Variants in ADGRE5 observed in about 807,000 individuals in gnomAD.
The protein encoded by ADGRE5 is CD97 molecule.
ADGRE5 carries 72 observed loss-of-function variants against 100.3 expected under a neutral mutation model. That is an observed-to-expected ratio of 0.72 (90% CI 0.59 to 0.87). The LOEUF (loss-of-function observed/expected upper bound fraction) is 0.87. ADGRE5 is among the 40% of genes least tolerant of loss of function. The probability of loss-of-function intolerance (pLI) is 0.00; values close to 1 mark genes in which losing one functional copy is unlikely to be tolerated. For synonymous variants in ADGRE5, 439 were observed against 447.8 expected (o/e 0.98, Z 0.25); for missense variants, 959 against 1,094.7 (o/e 0.88, Z 1.75).
At chr19:14,398,969 G>A (rs1013479121) in intron 9 of ADGRE5, among the ~76,000 whole-genome samples, 3 of 151,614 alleles carry the variant, frequency 2.0e-5, no homozygotes, top group Non-Finnish European at 4.4e-5. Context: ...AGCCTCCCAA[G>A]TAGCTGGGAC....
chr19:14,402,016 A>C (rs12974314), intron 11 of ADGRE5, among the ~76,000 whole-genome samples: 15,047 of 152,088 alleles, frequency 0.099, 917 homozygotes, highest in Middle Eastern at 0.15. Context: ...CTGTAGTCCC[A>C]GTTACTCAGG....
chr19:14,385,628 C>G lies in ADGRE5; in HGVS notation c.23-2822C>G, dbSNP rs568209413. On this transcript the variant is annotated intron_variant, in intron 1 of 19. Transcript: ENST00000242786. ...AGCGTCTTCCTGTGGGAGGGGGGCCCGGGGGTGAAATATCACCACTGGGTT... is the reference window on the plus strand; with the variant it reads ...AGCGTCTTCCTGTGGGAGGGGGGCCGGGGGGTGAAATATCACCACTGGGTT... Among the ~76,000 whole-genome samples, 3 of 152,160 alleles carry G rather than the reference C, an allele frequency of 2.0e-5. No homozygotes were observed. The East Asian group carries it at 5.8e-4, about 29-fold the overall frequency.
At chr19:14,403,138 G>T (rs1395537632) in intron 12 of ADGRE5, among the ~76,000 whole-genome samples, 1 of 151,072 alleles carries the variant, frequency 6.6e-6, no homozygotes, top group Non-Finnish European at 1.5e-5. Context: ...TGCCTCCCAG[G>T]TTCAAGTGAT....
At chr19:14,402,130 T>TAA (rs56208328) in intron 11 of ADGRE5, among the ~76,000 whole-genome samples, 4 of 122,466 alleles carry the variant, frequency 3.3e-5, no homozygotes, top group African/African-American at 6.2e-5. Context: ...GACCCTGTCT[T>TAA]AAAAAAAAAA....
Position 14,401,862 on chromosome 19 carries a change from G to T in ADGRE5, c.1183+102G>T. 1.4e-6 allele frequency: 1 copy of T among 733,956 alleles called. No individual in the cohort carries two copies. 45.5% of individuals were successfully genotyped at this position (733,956 alleles called of 1,614,324 possible). A position where few individuals can be genotyped will look rare whatever the true frequency, so the allele number is the denominator to read the frequency against. ...AATAGAACAACTGACTGGGCGCGGT[G>T]GCTCACGCCTGCAATCCCAGCATTT... On this transcript the variant is annotated intron_variant, in intron 11 of 19. Transcript: ENST00000242786. The surrounding 1 kb of genome is among the most constrained non-coding windows in gnomAD (Gnocchi z 4.1).
chr19:14,389,998 C>T (rs1463687452), intron 3 of ADGRE5, among the ~76,000 whole-genome samples: 1 of 151,840 alleles, frequency 6.6e-6, no homozygotes, highest in Non-Finnish European at 1.5e-5. Flanking sequence ...ATCGCTTGAA[C>T]CCGGGAGGCG....
rs1365369165 is a variant in ADGRE5 at position 14,397,221 on chromosome 19, A to G, written c.623A>G (p.Glu208Gly). ...SPNGPNNTVC[E>G]DVDECSSGQH... ...AATGGCCCAAACAATACCGTCTGTG[A>G]AGGTCGAGAGCTCAGATCCCACGTT... Residue 208 changes from glutamate to glycine, a missense_variant and splice_region_variant, in exon 6 of 20, where the codon GAA becomes GGA. Coordinates refer to ENST00000242786, the MANE Select transcript of ADGRE5 (RefSeq NM_078481.4). 6.2e-7 allele frequency: 1 copy of G among 1,614,066 alleles called. No homozygotes were observed. The highest frequency in any genetic ancestry group is 8.5e-7 in the Non-Finnish European group (1 of 1,179,990).
chr19:14,403,633 C>T (rs935744793), intron 12 of ADGRE5, among the ~76,000 whole-genome samples: 3 of 151,994 alleles, frequency 2.0e-5, no homozygotes, highest in Admixed American at 6.6e-5. Flanking sequence ...GGACTATAAG[C>T]GTGCACTACT....
At chr19:14,397,018 G>C in intron 5 of ADGRE5, 59 bp from the exon 6 acceptor site, 2 of 1,511,264 alleles carry the variant, frequency 1.3e-6, no homozygotes, top group Non-Finnish European at 1.8e-6. Flanking sequence ...GGTGCAGTGA[G>C]TGGAGGGCAG....
At position 14,406,778 on chromosome 19, in the gene ADGRE5, C is replaced by T; in HGVS notation, c.2115+12C>T. 6.2e-7 allele frequency: 1 copy of T among 1,613,892 alleles called. No individual in the cohort carries two copies. Among genetic ancestry groups the T allele is most frequent in the Non-Finnish European group, 8.5e-7 (1 of 1,179,756 alleles). ...CCTTCATCATTTTGGTAAGTACCCACTCTCCCTCCACCGAAGCCCGAGCGC... is the reference window on the plus strand; with the variant it reads ...CCTTCATCATTTTGGTAAGTACCCATTCTCCCTCCACCGAAGCCCGAGCGC... On this transcript the variant is annotated intron_variant, in intron 16 of 19. Coordinates refer to ENST00000242786, the MANE Select transcript of ADGRE5 (RefSeq NM_078481.4). This position sits in a 1 kb window ranked among gnomAD's most constrained non-coding sequence, Gnocchi z 6.0.
intron 1 of ADGRE5, among the ~76,000 whole-genome samples, chr19:14,385,010 C>CTTTTTTT (rs56960989): frequency 1.0e-4 from 7 of 68,682 alleles, no homozygotes; most frequent in Admixed American, 1.8e-4. Context: ...GACTCTTGCT[C>CTTTTTTT]TTTTTTTTTT....
rs1166698270 is a variant in ADGRE5, at chr19:14,406,410, G to A, written c.1901G>A (p.Gly634Asp). ...LAAFCWMSLE[G>D]LELYFLVVRV... ...GCCTTCTGCTGGATGAGCCTCGAAG[G>A]CCTGGAGCTCTACTTTCTTGTGGTG... Residue 634 changes from glycine (G) to aspartate (D), a missense_variant, in exon 15 of 20, where the codon GGC (glycine) becomes GAC (aspartate). Transcript: ENST00000242786. This position sits in a 1 kb window ranked among gnomAD's most constrained non-coding sequence, Gnocchi z 6.0. 3 of 1,592,490 alleles carry A rather than the reference G, an allele frequency of 1.9e-6. No homozygotes were observed. Among genetic ancestry groups the A allele is most frequent in the Non-Finnish European group, 2.6e-6 (3 of 1,170,054 alleles).
At chr19:14,387,055 A>G (rs1171244166) in intron 1 of ADGRE5, among the ~76,000 whole-genome samples, 2 of 152,044 alleles carry the variant, frequency 1.3e-5, no homozygotes, top group African/African-American at 2.4e-5. Context: ...AAGAAGAAGA[A>G]ATGAAGATGG....
chr19:14,402,408 C>T (rs546753574), intron 11 of ADGRE5, among the ~76,000 whole-genome samples, 189 bp from the exon 12 acceptor site: 1 of 151,492 alleles, frequency 6.6e-6, no homozygotes, highest in Admixed American at 6.6e-5. Flanking sequence ...GCACTCCAGC[C>T]TGGGCGAAAG....
At chr19:14,383,760 T>C (rs1975240519) in intron 1 of ADGRE5, among the ~76,000 whole-genome samples, 1 of 151,464 alleles carries the variant, frequency 6.6e-6, no homozygotes, top group African/African-American at 2.4e-5. Context: ...AGGCCCCAGA[T>C]GGAGGCAGCT....
At chr19:14,391,198 A>G in intron 4 of ADGRE5, 119 bp downstream of exon 4, 1 of 1,322,146 alleles carries the variant, frequency 7.6e-7, no homozygotes, top group Non-Finnish European at 1.1e-6. Flanking sequence ...GGCGTCTGAG[A>G]TGGGACAGGT....
In ADGRE5 at chr19:14,381,448, C is replaced by T; in HGVS notation, c.-76C>T. ...CCTGGCCTCGGGACAGCCTGCACAG[C>T]TGCCTAGCCTGTGGAGACGGGACAG... On this transcript the variant is annotated 5_prime_UTR_variant, in exon 1 of 20. Transcript: ENST00000242786. The T allele has an allele frequency of 6.3e-7, 1 of 1,598,932 alleles. No homozygotes were observed.
intron 11 of ADGRE5, among the ~76,000 whole-genome samples, 190 bp from the exon 12 acceptor site, chr19:14,402,407 C>G (rs1457892039): frequency 1.3e-5 from 2 of 151,684 alleles, no homozygotes; most frequent in Non-Finnish European, 2.9e-5. Flanking sequence ...TGCACTCCAG[C>G]CTGGGCGAAA....
At chr19:14,398,623 C>T (rs1292746680) in intron 9 of ADGRE5, among the ~76,000 whole-genome samples, 1 of 141,854 alleles carries the variant, frequency 7.0e-6, no homozygotes, top group Non-Finnish European at 1.5e-5. Context: ...TGCAGTGAGC[C>T]GAGGTCGTGC....
Sources: allele counts gnomAD v4.1 joint callset (sites outside exome capture counted in the v4.1 genomes callset), GRCh38; gene constraint gnomAD v4.1.1; non-coding constraint Gnocchi (gnomAD v3.1); transcripts MANE v1.5; gene names NCBI Gene and HGNC (gene_info 2026-07-23, HGNC 2026-07-21).